GRM8: variants seen among roughly 807,000 people sequenced by gnomAD.
GRM8 encodes the protein metabotropic glutamate receptor 8.
Under a neutral mutation model 87.2 loss-of-function variants are expected in GRM8, and 47 were observed. The observed-to-expected ratio is 0.54, with a 90% CI of 0.43 to 0.69. GRM8 has a LOEUF of 0.69. GRM8 is among the 30% of genes least tolerant of loss of function. The probability of loss-of-function intolerance (pLI) is 0.00; values close to 1 mark genes in which losing one functional copy is unlikely to be tolerated. For missense variants in GRM8, 1,019 were observed against 1,139.2 expected (o/e 0.89, Z 1.52); for synonymous variants, 396 against 404.5 (o/e 0.98, Z 0.25).
intron 8 of GRM8, among the ~76,000 whole-genome samples, chr7:126,582,017 A>G (rs1448951548): frequency 6.6e-6 from 1 of 152,146 alleles, no homozygotes; most frequent in Non-Finnish European, 1.5e-5. Context: ...AATGGCTTCT[A>G]ATTGTTCAAG....
intron 6 of GRM8, among the ~76,000 whole-genome samples, chr7:126,784,867 C>CAGGTCTAAACAATAAAGA (rs1359789532): frequency 2.0e-5 from 3 of 152,194 alleles, no homozygotes; most frequent in East Asian, 3.9e-4. Context: ...TATTACAGCT[C>CAGGTCTAAACAATAAAGA]AGGTCTAAAC....
chr7:126,628,062 C>T (rs1446122007), intron 7 of GRM8, among the ~76,000 whole-genome samples: 4 of 150,868 alleles, frequency 2.7e-5, no homozygotes, highest in African/African-American at 7.3e-5. Context: ...TTTTTTTGTT[C>T]GAGACACAGC....
intron 2 of GRM8, among the ~76,000 whole-genome samples, chr7:127,137,663 G>A (rs942664506): frequency 6.6e-6 from 1 of 151,596 alleles, no homozygotes; most frequent in East Asian, 1.9e-4. Context: ...CCATTGTTTT[G>A]CCATCTTTGG....
Position 127,242,751 on chromosome 7 carries a change from C to G in GRM8, c.454G>C (p.Gly152Arg), listed in dbSNP as rs769982247. Residue 152 changes from glycine to arginine, a missense_variant, in exon 2 of 11, where the codon GGT becomes CGT. Gly to Arg is a moderately radical substitution (Grantham distance 125). Coordinates refer to ENST00000339582, the MANE Select transcript of GRM8 (RefSeq NM_000845.3). ...TKPDKISGVI[G>R]AAASSVSIMV... ...ATGGACACGGAGCTTGCTGCAGCAC[C>G]TATGACGCCAGAAATCTTGTCGGGC... The G allele has an allele frequency of 6.2e-7, 1 of 1,614,204 alleles. No individual in the cohort carries two copies. The highest frequency in any genetic ancestry group is 8.5e-7 in the Non-Finnish European group (1 of 1,180,036).
intron 9 of GRM8, among the ~76,000 whole-genome samples, chr7:126,503,170 G>A (rs1229005260): frequency 6.6e-6 from 1 of 151,930 alleles, no homozygotes; most frequent in Non-Finnish European, 1.5e-5. Flanking sequence ...TCAAGCAGCA[G>A]CATATCTGGA....
At chr7:126,768,357 TAA>T (rs57868820) in intron 7 of GRM8, among the ~76,000 whole-genome samples, 16 of 53,550 alleles carry the variant, frequency 3.0e-4, no homozygotes, top group Admixed American at 1.2e-3. Context: ...TTTGATAATG[TAA>T]AAAAAAAAAA....
intron 3 of GRM8, among the ~76,000 whole-genome samples, chr7:126,977,744 T>C (rs1811154253): frequency 1.3e-5 from 2 of 152,190 alleles, no homozygotes; most frequent in Admixed American, 1.3e-4. Flanking sequence ...ATAGAATTCT[T>C]TTCTGGGTTC....
At chr7:127,070,769 G>A (rs1175005133) in intron 3 of GRM8, among the ~76,000 whole-genome samples, 12 of 152,124 alleles carry the variant, frequency 7.9e-5, no homozygotes, top group Admixed American at 4.6e-4. Flanking sequence ...TGTTAAAGAC[G>A]ATGAAACTTG....
intron 7 of GRM8, among the ~76,000 whole-genome samples, chr7:126,739,522 G>A (rs1814691768): frequency 6.6e-6 from 1 of 152,004 alleles, no homozygotes; most frequent in Non-Finnish European, 1.5e-5. Context: ...AGACCACGGT[G>A]TTACGTTTAG....
intron 3 of GRM8, among the ~76,000 whole-genome samples, chr7:126,964,988 A>G (rs1027883500): frequency 6.6e-6 from 1 of 152,234 alleles, no homozygotes; most frequent in African/African-American, 2.4e-5. Context: ...CATAAAAAGG[A>G]TGAGTTCATG....
At chr7:126,692,881 A>G (rs1354359761) in intron 7 of GRM8, among the ~76,000 whole-genome samples, 2 of 152,228 alleles carry the variant, frequency 1.3e-5, no homozygotes, top group Non-Finnish European at 2.9e-5. Flanking sequence ...CTTGTAAAAC[A>G]GAAGGAGGAT....
intron 9 of GRM8, among the ~76,000 whole-genome samples, chr7:126,466,598 G>T (rs1481497346): frequency 6.6e-6 from 1 of 151,856 alleles, no homozygotes; most frequent in Non-Finnish European, 1.5e-5. Flanking sequence ...ATAATTCAAA[G>T]TCCAAAGACC....
At position 126,767,702 on chromosome 7, in the gene GRM8, A is replaced by T. The variant is rs1227181332; in HGVS notation, c.1357+2163T>A. On this transcript the variant is annotated intron_variant, in intron 7 of 10. Coordinates refer to ENST00000339582, the MANE Select transcript of GRM8 (RefSeq NM_000845.3). ...TATCATAAACAGAATGAACATGAATACATAAGTCAATAATAAAATTAAAAT... is the reference window on the plus strand; with the variant it reads ...TATCATAAACAGAATGAACATGAATTCATAAGTCAATAATAAAATTAAAAT... Among the ~76,000 whole-genome samples the T allele has an allele frequency of 3.9e-5, 6 of 152,204 alleles. No individual in the cohort carries two copies. In the East Asian group the frequency reaches 1.2e-3, roughly 29 times the overall value.
intron 9 of GRM8, among the ~76,000 whole-genome samples, chr7:126,473,486 A>G (rs2150566374): frequency 6.6e-6 from 1 of 152,302 alleles, no homozygotes; most frequent in Non-Finnish European, 1.5e-5. Context: ...CAATGTATCT[A>G]GGAAGTAACT....
chr7:126,892,664 G>T (rs1018598304), intron 6 of GRM8, among the ~76,000 whole-genome samples: 26 of 152,066 alleles, frequency 1.7e-4, no homozygotes, highest in African/African-American at 6.0e-4. Flanking sequence ...TAATGGGTTG[G>T]CTGGGTCAAA....
intron 8 of GRM8, among the ~76,000 whole-genome samples, chr7:126,598,822 A>G (rs1286784546): frequency 6.6e-6 from 1 of 152,124 alleles, no homozygotes; most frequent in Non-Finnish European, 1.5e-5. Flanking sequence ...ATATCTTAAA[A>G]TGTTCTCATG....
At chr7:126,707,297 T>C (rs911451128) in intron 7 of GRM8, among the ~76,000 whole-genome samples, 1 of 151,458 alleles carries the variant, frequency 6.6e-6, no homozygotes, top group Non-Finnish European at 1.5e-5. Flanking sequence ...TGTACAAGTA[T>C]TTTTTTTTAA....
At chr7:127,098,576 C>T (rs1824903601) in intron 3 of GRM8, among the ~76,000 whole-genome samples, 1 of 151,070 alleles carries the variant, frequency 6.6e-6, no homozygotes, top group South Asian at 2.1e-4. Flanking sequence ...GCTTGACCCT[C>T]ACAAAAAAAA....
chr7:126,485,244 T>G (rs1168065552), intron 9 of GRM8, among the ~76,000 whole-genome samples: 1 of 150,696 alleles, frequency 6.6e-6, no homozygotes, highest in Non-Finnish European at 1.5e-5. Context: ...AATGTCATAA[T>G]AATATGGGGT....
Sources: allele counts gnomAD v4.1 joint callset (sites outside exome capture counted in the v4.1 genomes callset), GRCh38; gene constraint gnomAD v4.1.1; transcripts MANE v1.5; gene names NCBI Gene and HGNC (gene_info 2026-07-23, HGNC 2026-07-21).